Variants in DPYSL3 observed in about 807,000 individuals in gnomAD.
The protein encoded by DPYSL3 is dihydropyrimidinase-related protein 3.
In DPYSL3, 16 loss-of-function variants were observed where a neutral mutation model predicts 66.1. The observed-to-expected ratio is 0.24, with a 90% CI of 0.16 to 0.37. The LOEUF is 0.37. Ranked by LOEUF, DPYSL3 falls within the 10% of genes least tolerant of loss-of-function variation. The pLI is 1.00. For synonymous variants in DPYSL3, 338 were observed against 345.1 expected, an observed-to-expected ratio of 0.98 and a Z score of 0.23; for missense variants, 738 against 916.2, an observed-to-expected ratio of 0.81 and a Z score of 2.51.
intron 1 of DPYSL3, among the ~76,000 whole-genome samples, chr5:147,450,416 A>T (rs1353417518): frequency 6.6e-6 from 1 of 152,166 alleles, no homozygotes; most frequent in African/African-American, 2.4e-5. Flanking sequence ...GACAGTGAAG[A>T]TCCCTTGCTG....
chr5:147,465,648 C>G (rs1752999179), intron 1 of DPYSL3, among the ~76,000 whole-genome samples: 1 of 152,144 alleles, frequency 6.6e-6, no homozygotes, highest in Non-Finnish European at 1.5e-5. Context: ...GCTCTCAACC[C>G]TTTTCTGAAA....
At chr5:147,470,586 T>C (rs896311635) in intron 1 of DPYSL3, among the ~76,000 whole-genome samples, 10 of 152,274 alleles carry the variant, frequency 6.6e-5, no homozygotes, top group African/African-American at 1.9e-4. Context: ...AAACTCAAGA[T>C]TCTTGATACG....
At chr5:147,502,376 T>C (rs932305385) in intron 1 of DPYSL3, among the ~76,000 whole-genome samples, 1 of 149,394 alleles carries the variant, frequency 6.7e-6, no homozygotes, top group Non-Finnish European at 1.5e-5. Flanking sequence ...ATGTCACAGA[T>C]ACACACACAC....
chr5:147,434,951 A>G (rs1752390125), intron 1 of DPYSL3, among the ~76,000 whole-genome samples: 1 of 152,236 alleles, frequency 6.6e-6, no homozygotes, highest in Non-Finnish European at 1.5e-5. Flanking sequence ...TATTGTAACA[A>G]GCATACCACA....
intron 1 of DPYSL3, chr5:147,453,550 G>A: frequency 6.5e-7 from 1 of 1,538,118 alleles, no homozygotes; most frequent in Non-Finnish European, 8.8e-7. Flanking sequence ...CGGACTCACC[G>A]TGATCCGCGG....
intron 1 of DPYSL3, chr5:147,453,639 G>T (rs780069433): frequency 1.3e-6 from 2 of 1,511,040 alleles, no homozygotes; most frequent in Non-Finnish European, 1.8e-6. Context: ...CTTCTGCTCC[G>T]GCTCGCCCGC....
chr5:147,478,833 C>T (rs1462884502), intron 1 of DPYSL3, among the ~76,000 whole-genome samples: 2 of 152,118 alleles, frequency 1.3e-5, no homozygotes, highest in Non-Finnish European at 2.9e-5. Context: ...ACTGTACTGC[C>T]TATCATACTG....
At chr5:147,479,322 T>C (rs1289557311) in intron 1 of DPYSL3, among the ~76,000 whole-genome samples, 1 of 152,182 alleles carries the variant, frequency 6.6e-6, no homozygotes, top group Admixed American at 6.6e-5. Flanking sequence ...TCAAAATCCT[T>C]AATTGCCGGG....
At chr5:147,397,568 G>T in intron 12 of DPYSL3, 98 bp downstream of exon 12, 4 of 1,279,730 alleles carry the variant, frequency 3.1e-6, no homozygotes, top group Non-Finnish European at 4.3e-6. Context: ...CTCTGTGAGA[G>T]TCTAGAGATC....
intron 3 of DPYSL3, among the ~76,000 whole-genome samples, chr5:147,417,976 C>T (rs1327533718): frequency 6.6e-6 from 1 of 152,134 alleles, no homozygotes; most frequent in Non-Finnish European, 1.5e-5. Context: ...CACAGCTTTA[C>T]CCACTGAAGT....
At chr5:147,413,955 C>T (rs1180482624) in intron 4 of DPYSL3, among the ~76,000 whole-genome samples, 7 of 152,148 alleles carry the variant, frequency 4.6e-5, no homozygotes, top group Non-Finnish European at 1.0e-4. Context: ...TGTTATTGCT[C>T]AAGGCAGTAG....
chr5:147,488,879 G>A (rs1372079229), intron 1 of DPYSL3, among the ~76,000 whole-genome samples: 4 of 152,024 alleles, frequency 2.6e-5, no homozygotes, highest in Non-Finnish European at 5.9e-5. Context: ...GCCAGGTGTG[G>A]TGGTAGGCAC....
chr5:147,413,717 C>T (rs1751901621), intron 4 of DPYSL3, 60 bp from the exon 5 acceptor site: 2 of 1,400,516 alleles, frequency 1.4e-6, no homozygotes, highest in Admixed American at 1.8e-5. Context: ...GACTGTCCTC[C>T]ATCCTTTGCT....
intron 1 of DPYSL3, among the ~76,000 whole-genome samples, chr5:147,443,243 A>G (rs1004121058): frequency 2.0e-5 from 3 of 152,246 alleles, no homozygotes; most frequent in African/African-American, 7.2e-5. Flanking sequence ...CATAGAACCA[A>G]TGATAGACTG....
intron 1 of DPYSL3, among the ~76,000 whole-genome samples, chr5:147,501,090 G>A (rs1220379537): frequency 6.6e-6 from 1 of 150,792 alleles, no homozygotes; most frequent in African/African-American, 2.4e-5. Flanking sequence ...CAGTAGGTAA[G>A]TGAATAAATA....
At chr5:147,445,799 G>T (rs1406544090) in intron 1 of DPYSL3, among the ~76,000 whole-genome samples, 1 of 151,978 alleles carries the variant, frequency 6.6e-6, no homozygotes, top group Non-Finnish European at 1.5e-5. Context: ...ATCAATAGTA[G>T]CCTTATCCTA....
At chr5:147,401,785 C>T in intron 8 of DPYSL3, 89 bp from the exon 9 acceptor site, 1 of 1,505,000 alleles carries the variant, frequency 6.6e-7, no homozygotes, top group Non-Finnish European at 9.0e-7. Flanking sequence ...TAAGCCTACC[C>T]AGGACTGTGT....
intron 1 of DPYSL3, among the ~76,000 whole-genome samples, chr5:147,495,888 GA>G (rs1331975660): frequency 6.6e-6 from 1 of 152,088 alleles, no homozygotes; most frequent in Non-Finnish European, 1.5e-5. Context: ...CACAGAATTG[GA>G]AAAAACTACT....
At chr5:147,424,664 C>T (rs1210449667) in intron 2 of DPYSL3, among the ~76,000 whole-genome samples, 2 of 152,156 alleles carry the variant, frequency 1.3e-5, no homozygotes, top group African/African-American at 4.8e-5. Context: ...TTTCCAGTAT[C>T]CTTAAGGATG....
Sources: allele counts gnomAD v4.1 joint callset (sites outside exome capture counted in the v4.1 genomes callset), GRCh38; gene constraint gnomAD v4.1.1; transcripts MANE v1.5; gene names NCBI Gene and HGNC (gene_info 2026-07-23, HGNC 2026-07-21).